Variants in COL6A2 observed in about 807,000 individuals in gnomAD.
COL6A2 encodes collagen type VI alpha 2 chain.
A neutral mutation model predicts 124.9 loss-of-function variants in COL6A2; 90 were observed. That is an observed-to-expected ratio of 0.72 (90% CI 0.61 to 0.86). The LOEUF (loss-of-function observed/expected upper bound fraction) is 0.86. Among genes scored for constraint, COL6A2 ranks in the 40% least tolerant of loss-of-function variants. The pLI, the probability that COL6A2 is intolerant of heterozygous loss-of-function variation, is 0.00. For synonymous variants in COL6A2, 793 were observed against 618.2 expected (o/e 1.28, Z -4.19); for missense variants, 1,607 against 1,502.5 (o/e 1.07, Z -1.15).
intron 21 of COL6A2, among the ~76,000 whole-genome samples, chr21:46,124,071 G>A (rs932361063): frequency 1.3e-5 from 2 of 149,892 alleles, no homozygotes; most frequent in African/African-American, 4.9e-5. Context: ...CGGATGGACC[G>A]ATGGATGAAT....
chr21:46,125,203 C>G (rs534091065), intron 23 of COL6A2, 63 bp from the exon 24 acceptor site: 1 of 1,494,498 alleles, frequency 6.7e-7, no homozygotes. Flanking sequence ...CAGGCCAGGA[C>G]CTTGCTGTGG....
intron 16 of COL6A2, 104 bp from the exon 17 acceptor site, chr21:46,120,957 C>A (rs781026089): frequency 2.7e-5 from 30 of 1,113,162 alleles, no homozygotes; most frequent in Non-Finnish European, 2.7e-5. Flanking sequence ...GGGGCCAGAC[C>A]CGTCTTACCC....
chr21:46,112,451 G>A lies in COL6A2; in HGVS notation c.588G>A (p.Leu196=), dbSNP rs568968134. Reference sequence around the variant, plus strand: ...TCGCCGTGGCCCCCAACCAGAACCTGAAGGAGCAGGGCCTGCGGGACATCG... The same window carrying A: ...TCGCCGTGGCCCCCAACCAGAACCTAAAGGAGCAGGGCCTGCGGGACATCG... ...RLFAVAPNQN[L]KEQGLRDIAS... Residue 196 remains leucine, a synonymous_variant, in exon 3 of 28, where the codon CTG becomes CTA. Coordinates refer to ENST00000300527, the MANE Select transcript of COL6A2 (RefSeq NM_001849.4). 6.2e-7 allele frequency: 1 copy of A among 1,610,426 alleles called. No individual in the cohort carries two copies. The highest frequency in any genetic ancestry group is 1.3e-5 in the African/African-American group (1 of 75,032).
intron 13 of COL6A2, 120 bp downstream of exon 13, chr21:46,118,796 G>A (rs1180654149): frequency 7.9e-7 from 1 of 1,258,354 alleles, no homozygotes; most frequent in Non-Finnish European, 1.1e-6. Context: ...TGGGCTCTGG[G>A]GACACGGGGA....
chr21:46,119,983 C>T (rs2078535038), intron 15 of COL6A2, 133 bp downstream of exon 15: 4 of 838,458 alleles, frequency 4.8e-6, no homozygotes, highest in Admixed American at 2.0e-5. Context: ...TCACTCTCTG[C>T]AGAGTCTGGG....
chr21:46,132,496 T>C lies in COL6A2; in HGVS notation c.3004T>C (p.Tyr1002His), dbSNP rs527236952. 6 of 1,608,090 alleles carry C rather than the reference T, an allele frequency of 3.7e-6. No homozygotes were observed. The East Asian group carries it at 1.3e-4, about 36-fold the overall frequency. The part of the protein sequence containing the change: ...DRAAVFHEKD[Y>H]DSLAQPGFFD... ...CGCCGCCGTGTTCCACGAGAAGGAC[T>C]ATGACAGCCTGGCGCAACCCGGCTT... The change falls in exon 28 of 28, where the codon TAT (tyrosine) becomes CAT (histidine). Residue 1002 changes from tyrosine (Y) to histidine (H), a missense_variant. By Grantham distance (83) the Tyr-to-His change is moderately conservative (BLOSUM62 2). Around this residue, in one of 3 missense-constraint regions of COL6A2, gnomAD observed 1,223 missense variants for 1,052.2 expected, o/e 1.16. Coordinates refer to ENST00000300527, the MANE Select transcript of COL6A2 (RefSeq NM_001849.4).
Position 46,120,579 on chromosome 21 carries a change from T to C in COL6A2, c.1395+2T>C. The C allele has an allele frequency of 6.8e-7, 1 of 1,461,516 alleles. No individual in the cohort carries two copies. Among genetic ancestry groups the C allele is most frequent in the Non-Finnish European group, 9.0e-7 (1 of 1,106,526 alleles). 90.5% of individuals were successfully genotyped at this position (1,461,516 alleles called of 1,614,324 possible). A position where few individuals can be genotyped will look rare whatever the true frequency, so the allele number is the denominator to read the frequency against. ...GAGGTTGGCAACAAAGGAGCCAAGG[T>C]AGGGGAGCAGGGTGGGCCGCACCCC... On this transcript the variant is annotated splice_donor_variant, in intron 16 of 27. Coordinates refer to ENST00000300527, the MANE Select transcript of COL6A2 (RefSeq NM_001849.4). LOFTEE classifies it high-confidence loss of function.
Position 46,119,896 on chromosome 21 carries a change from A to G in COL6A2, c.1332+46A>G, listed in dbSNP as rs934942807. 9 of 1,516,284 alleles carry G rather than the reference A, an allele frequency of 5.9e-6. No individual in the cohort carries two copies. In the Admixed American group the frequency reaches 9.8e-5, roughly 17 times the overall value. 93.9% of individuals were successfully genotyped at this position (1,516,284 alleles called of 1,614,324 possible). A position where few individuals can be genotyped will look rare whatever the true frequency, so the allele number is the denominator to read the frequency against. ...AGCCCAGGGTCTCACTGTGGTGCCC[A>G]TGGGCCCTGCTGACGAGGGCCCCAA... On this transcript the variant is annotated intron_variant, in intron 15 of 27. Transcript: ENST00000300527.
chr21:46,127,278 C>T (rs1297736489), intron 27 of COL6A2, among the ~76,000 whole-genome samples: 2 of 152,262 alleles, frequency 1.3e-5, no homozygotes, highest in Non-Finnish European at 2.9e-5. Flanking sequence ...GGGAGGAAAC[C>T]TCAGGGTCTG....
rs372523558 is a variant in COL6A2, at chr21:46,132,247, G to A, written c.2755G>A (p.Ala919Thr). 2.6e-5 allele frequency: 41 copies of A among 1,603,646 alleles called. No homozygotes were observed. In the Admixed American group the frequency reaches 4.1e-4, roughly 16 times the overall value. ...CCTGAACTCCTTCTCGCACGTGGGC[G>A]CAGGCGTGGTGCACGCCATCAATGC... is the stretch of plus-strand genomic sequence containing the variant. Reference protein sequence around the residue: ...QYLNSFSHVGAGVVHAINAIV... With the variant: ...QYLNSFSHVGTGVVHAINAIV... Residue 919 changes from alanine to threonine, a missense_variant, in exon 28 of 28, where the codon GCA becomes ACA. By Grantham distance (58) the Ala-to-Thr change is moderately conservative (BLOSUM62 0). Coordinates refer to ENST00000300527, the MANE Select transcript of COL6A2 (RefSeq NM_001849.4).
chr21:46,112,614 G>T, intron 3 of COL6A2, 37 bp downstream of exon 3: 1 of 1,605,884 alleles, frequency 6.2e-7, no homozygotes, highest in Non-Finnish European at 8.5e-7. Flanking sequence ...ACGCGCCAGG[G>T]GTGGCCACGG....
chr21:46,105,028 C>G (rs2078322434), intron 1 of COL6A2, among the ~76,000 whole-genome samples: 1 of 152,098 alleles, frequency 6.6e-6, no homozygotes, highest in East Asian at 1.9e-4. Flanking sequence ...TAGGAAACGC[C>G]AAAGGGAGTC....
Position 46,125,856 on chromosome 21 carries a change from A to G in COL6A2, c.2041A>G (p.Ile681Val). The change falls in exon 26 of 28, where the codon ATC becomes GTC. Residue 681 changes from isoleucine to valine, a missense_variant. Physicochemically the swap from Ile to Val is conservative, Grantham distance 29. Coordinates refer to ENST00000300527, the MANE Select transcript of COL6A2 (RefSeq NM_001849.4). ...FEAIQLDDER[I>V]DSLSSFKEAV... ...GGCCATCCAGCTGGACGACGAACGT[A>G]TCGACTCCCTGTCGAGCTTCAAGGA... 3.1e-6 allele frequency: 5 copies of G among 1,612,934 alleles called. No individual in the cohort carries two copies. The highest frequency in any genetic ancestry group is 4.2e-6 in the Non-Finnish European group (5 of 1,179,978).
rs1256057630 is a variant in COL6A2 at position 46,116,024 on chromosome 21, G to A, written c.871G>A (p.Glu291Lys). 3 of 1,604,836 alleles carry A rather than the reference G, an allele frequency of 1.9e-6. No individual in the cohort carries two copies. Among genetic ancestry groups the A allele is most frequent in the Non-Finnish European group, 2.6e-6 (3 of 1,176,382 alleles). The change falls in exon 7 of 28, where the codon GAA becomes AAA. Residue 291 changes from glutamate to lysine, a missense_variant. Glu to Lys is a moderately conservative substitution (Grantham distance 56). Transcript: ENST00000300527. The surrounding 1 kb of genome is among the most constrained non-coding windows in gnomAD (Gnocchi z 4.6). ...QKGRQGDPGI[E>K]GPIGFPGPKG... ...TCCTTCACAGGGAGACCCGGGCATC[G>A]AAGGCCCCATTGGATTCCCAGGACC...
chr21:46,115,962 C>T (rs774955835), intron 6 of COL6A2, 37 bp downstream of exon 6: 2 of 1,611,296 alleles, frequency 1.2e-6, no homozygotes, highest in South Asian at 1.1e-5. Context: ...CCGCCTGCAG[C>T]CCAGCGCCCC....
chr21:46,100,751 A>G (rs755989396), intron 1 of COL6A2, among the ~76,000 whole-genome samples: 10 of 152,222 alleles, frequency 6.6e-5, no homozygotes, highest in Non-Finnish European at 1.3e-4. Context: ...TGTAAGGCTG[A>G]GCAGTATTCC....
rs1248012506 is a variant in COL6A2, at chr21:46,118,617, G to T, written c.1120G>T (p.Asp374Tyr). The T allele has an allele frequency of 5.0e-6, 8 of 1,612,410 alleles. No homozygotes were observed. The highest frequency in any genetic ancestry group is 1.1e-5 in the South Asian group (1 of 90,932). The change falls in exon 13 of 28, where the codon GAC becomes TAC. Residue 374 changes from aspartate to tyrosine, a missense_variant. Physicochemically the swap from Asp to Tyr is radical, Grantham distance 160. This residue lies in a region of COL6A2 where 1,223 missense variants were observed against 1,052.2 expected (regional missense o/e 1.16). Transcript: ENST00000300527. Reference sequence around the variant, plus strand: ...CTGATTCTGCAAACCCTTCCAGGGGGACCCTGGCCGCCCAGGACGCAGAGG... The same window carrying T: ...CTGATTCTGCAAACCCTTCCAGGGGTACCCTGGCCGCCCAGGACGCAGAGG... ...GERGDQGGKGDPGRPGRRGPP... is the reference protein window; with the variant it reads ...GERGDQGGKGYPGRPGRRGPP...
At chr21:46,126,667 G>T in intron 27 of COL6A2, 126 bp downstream of exon 27, 1 of 1,163,068 alleles carries the variant, frequency 8.6e-7, no homozygotes, top group Non-Finnish European at 1.3e-6. Context: ...CCACTGCGGA[G>T]GCTGCTCCTT....
chr21:46,110,566 C>T (rs2078384238), intron 1 of COL6A2, among the ~76,000 whole-genome samples: 1 of 152,150 alleles, frequency 6.6e-6, no homozygotes, highest in African/African-American at 2.4e-5. Context: ...TCATCCACTC[C>T]AGACGCCGCA....
Sources: allele counts gnomAD v4.1 joint callset (sites outside exome capture counted in the v4.1 genomes callset), GRCh38; gene constraint gnomAD v4.1.1; regional missense constraint gnomAD v4.1.1; non-coding constraint Gnocchi (gnomAD v3.1); transcripts MANE v1.5; gene names NCBI Gene and HGNC (gene_info 2026-07-23, HGNC 2026-07-21).